The following AKAP6 variants were observed in gnomAD, a reference collection of about 807,000 sequenced individuals.
AKAP6 encodes A-kinase anchoring protein 6.
Under a neutral mutation model 188.5 loss-of-function variants are expected in AKAP6, and 58 were observed. The ratio of observed to expected loss-of-function variants is 0.31; its 90% confidence interval spans 0.25 to 0.38. The LOEUF (loss-of-function observed/expected upper bound fraction) is 0.38, where lower values mean the gene tolerates loss of function less well. Ranked by LOEUF, AKAP6 falls within the 10% of genes least tolerant of loss-of-function variation. The pLI is 1.00. For missense variants in AKAP6, 2,710 were observed against 2,740.0 expected, an observed-to-expected ratio of 0.99 and a Z score of 0.24; for synonymous variants, 989 against 998.6, an observed-to-expected ratio of 0.99 and a Z score of 0.18.
At chr14:32,415,523 T>C (rs1328247663) in intron 1 of AKAP6, among the ~76,000 whole-genome samples, 1 of 152,208 alleles carries the variant, frequency 6.6e-6, no homozygotes, top group Non-Finnish European at 1.5e-5. Flanking sequence ...AAAATTGTGG[T>C]AAAATGCATA....
At chr14:32,582,576 C>A (rs1445502831) in intron 5 of AKAP6, among the ~76,000 whole-genome samples, 1 of 152,176 alleles carries the variant, frequency 6.6e-6, no homozygotes. Context: ...TAATATCCTG[C>A]AGAGTGTTTT....
At chr14:32,625,901 C>T (rs1214613744) in intron 7 of AKAP6, among the ~76,000 whole-genome samples, 1 of 152,100 alleles carries the variant, frequency 6.6e-6, no homozygotes, top group Non-Finnish European at 1.5e-5. Flanking sequence ...GACTGTATTT[C>T]AGCCTGGCTT....
intron 1 of AKAP6, among the ~76,000 whole-genome samples, chr14:32,422,174 T>A (rs1889872202): frequency 6.6e-6 from 1 of 152,098 alleles, no homozygotes. Flanking sequence ...TTATCTGGAG[T>A]TAGGCCAAGC....
intron 8 of AKAP6, among the ~76,000 whole-genome samples, chr14:32,691,502 G>A (rs570532218): frequency 6.6e-6 from 1 of 152,038 alleles, no homozygotes; most frequent in African/African-American, 2.4e-5. Flanking sequence ...TTAAATTGTG[G>A]TCATTTCAGA....
intron 1 of AKAP6, among the ~76,000 whole-genome samples, chr14:32,334,070 T>C (rs1399537448): frequency 6.6e-6 from 1 of 152,122 alleles, no homozygotes; most frequent in Non-Finnish European, 1.5e-5. Context: ...ACAATCATAT[T>C]GACTGAACTC....
intron 2 of AKAP6, among the ~76,000 whole-genome samples, chr14:32,518,851 A>G (rs1881663628): frequency 6.6e-6 from 1 of 152,218 alleles, no homozygotes; most frequent in South Asian, 2.1e-4. Flanking sequence ...AGAATGCCAC[A>G]AAGATACTCC....
At chr14:32,544,900 G>A (rs1453119453) in intron 3 of AKAP6, among the ~76,000 whole-genome samples, 1 of 151,966 alleles carries the variant, frequency 6.6e-6, no homozygotes, top group African/African-American at 2.4e-5. Flanking sequence ...ATTACTTAAG[G>A]CTTTGTTTAT....
At chr14:32,655,092 T>A (rs2139548542) in intron 7 of AKAP6, among the ~76,000 whole-genome samples, 1 of 152,242 alleles carries the variant, frequency 6.6e-6, no homozygotes, top group East Asian at 1.9e-4. Context: ...GTAAAATTGA[T>A]TAATGAAGTA....
intron 4 of AKAP6, among the ~76,000 whole-genome samples, chr14:32,551,859 G>A (rs1883484767): frequency 1.3e-5 from 2 of 151,754 alleles, no homozygotes; most frequent in South Asian, 2.1e-4. Context: ...GTAGAGATGG[G>A]GTTTCACCGT....
At chr14:32,542,723 G>A (rs1001593408) in intron 3 of AKAP6, among the ~76,000 whole-genome samples, 1 of 152,202 alleles carries the variant, frequency 6.6e-6, no homozygotes, top group African/African-American at 2.4e-5. Context: ...CTGTGGCCGC[G>A]TGTGGCCAGT....
chr14:32,413,174 AATTT>A (rs66513254), intron 1 of AKAP6, among the ~76,000 whole-genome samples: 73,600 of 130,712 alleles, frequency 0.56, 22,494 homozygotes, highest in Non-Finnish European at 0.69. Flanking sequence ...TATTTATTGA[AATTT>A]TTTTTTTTTT....
At chr14:32,661,228 C>T (rs745879418) in intron 7 of AKAP6, among the ~76,000 whole-genome samples, 2 of 151,950 alleles carry the variant, frequency 1.3e-5, no homozygotes, top group Admixed American at 6.6e-5. Context: ...TACTACAGGA[C>T]CTCCTATAAA....
At chr14:32,635,773 G>T (rs1220155019) in intron 7 of AKAP6, among the ~76,000 whole-genome samples, 1 of 152,078 alleles carries the variant, frequency 6.6e-6, no homozygotes, top group East Asian at 1.9e-4. Context: ...GTGATTAATT[G>T]TAACTTATTT....
intron 7 of AKAP6, among the ~76,000 whole-genome samples, chr14:32,625,634 A>G (rs528740927): frequency 7.5e-6 from 1 of 133,024 alleles, no homozygotes; most frequent in Admixed American, 7.4e-5. Flanking sequence ...TGGAAGAACA[A>G]TATATTTTAT....
intron 7 of AKAP6, among the ~76,000 whole-genome samples, chr14:32,610,913 T>A (rs367972136): frequency 2.0e-5 from 3 of 151,978 alleles, no homozygotes; most frequent in African/African-American, 7.3e-5. Context: ...GGCTGAAGAG[T>A]TGTGTTTTAC....
rs1882055540 is a variant in AKAP6, at chr14:32,525,142, C to T, written c.325-10412C>T. Among the ~76,000 whole-genome samples, 4 of 152,158 alleles carry T rather than the reference C, an allele frequency of 2.6e-5. No homozygotes were observed. The South Asian group carries it at 8.3e-4, about 32-fold the overall frequency. On this transcript the variant is annotated intron_variant, in intron 2 of 13. Transcript: ENST00000280979. ...TGAATGAACTCAGATTTTGATCCTGCATTGTGTCATGTAGAATACTGAATG... is the reference window on the plus strand; with the variant it reads ...TGAATGAACTCAGATTTTGATCCTGTATTGTGTCATGTAGAATACTGAATG...
rs1256310081 is a variant in AKAP6, at chr14:32,579,458, T to C, written c.2469+2216T>C. On this transcript the variant is annotated intron_variant, in intron 5 of 13. Transcript: ENST00000280979. The stretch of plus-strand genomic sequence containing the variant: ...CTTTGCAAATAGTGAGGGACTTTGA[T>C]CTACAGACCTGTTGACTGGATGTTA... Among the ~76,000 whole-genome samples, 4 of 152,166 alleles carry C rather than the reference T, an allele frequency of 2.6e-5. No homozygotes were observed. In the East Asian group the frequency reaches 7.7e-4, roughly 29 times the overall value.
intron 12 of AKAP6, among the ~76,000 whole-genome samples, chr14:32,788,169 A>T (rs2033487440): frequency 6.6e-6 from 1 of 152,088 alleles, no homozygotes; most frequent in Non-Finnish European, 1.5e-5. Context: ...CAGTAGACAG[A>T]GTAGATTTTC....
At chr14:32,621,303 T>C (rs1164407327) in intron 7 of AKAP6, among the ~76,000 whole-genome samples, 4 of 152,128 alleles carry the variant, frequency 2.6e-5, no homozygotes, top group Non-Finnish European at 4.4e-5. Context: ...CTTTTTGATG[T>C]AGGCATTTAG....
Sources: gnomAD v4.1 joint callset for allele counts (sites outside exome capture counted in the v4.1 genomes callset) on GRCh38, gnomAD v4.1.1 for gene constraint, MANE v1.5 for transcripts, NCBI Gene and HGNC (gene_info 2026-07-23, HGNC 2026-07-21) for gene names.